MACROD2: variants seen among roughly 807,000 people sequenced by gnomAD.
The protein encoded by MACROD2 is mono-ADP ribosylhydrolase 2, also known as ADP-ribose glycohydrolase MACROD2.
A neutral mutation model predicts 70.4 loss-of-function variants in MACROD2; 36 were observed. The ratio of observed to expected loss-of-function variants is 0.51; its 90% CI spans 0.39 to 0.68. MACROD2 has a LOEUF of 0.68. Among genes scored for constraint, MACROD2 ranks in the 30% least tolerant of loss-of-function variants. The probability of loss-of-function intolerance (pLI) is 0.00; values close to 1 mark genes in which losing one functional copy is unlikely to be tolerated. For missense variants in MACROD2, 496 were observed against 538.4 expected (o/e 0.92, Z 0.78); for synonymous variants, 172 against 178.8 (o/e 0.96, Z 0.30).
chr20:14,553,142 C>T, intron 4 of MACROD2, among the ~76,000 whole-genome samples: 1 of 151,172 alleles, frequency 6.6e-6, no homozygotes. Context: ...TTCTTTATAT[C>T]CTTATTTTAT....
chr20:15,376,032 T>C (rs1349019017), intron 6 of MACROD2, among the ~76,000 whole-genome samples: 1 of 152,194 alleles, frequency 6.6e-6, no homozygotes, highest in Non-Finnish European at 1.5e-5. Context: ...GGGAACTTTT[T>C]TGAGGCCATG....
chr20:14,317,016 A>G (rs2082617066), intron 3 of MACROD2, among the ~76,000 whole-genome samples: 1 of 152,130 alleles, frequency 6.6e-6, no homozygotes, highest in Non-Finnish European at 1.5e-5. Context: ...CAGACTCCTT[A>G]TTCAGGCCTA....
intron 5 of MACROD2, among the ~76,000 whole-genome samples, chr20:14,993,417 G>A (rs1213158427): frequency 6.6e-6 from 1 of 151,976 alleles, no homozygotes; most frequent in African/African-American, 2.4e-5. Context: ...CCAAATATGA[G>A]AATATACATT....
intron 3 of MACROD2, among the ~76,000 whole-genome samples, chr20:14,315,574 A>G (rs1165993047): frequency 6.6e-6 from 1 of 152,212 alleles, no homozygotes; most frequent in Non-Finnish European, 1.5e-5. Context: ...TAAGCAAAAT[A>G]TTAAATATAT....
Position 15,429,165 on chromosome 20 carries a change from G to A in MACROD2, c.541-2240G>A, listed in dbSNP as rs538676582. Among the ~76,000 whole-genome samples the A allele has an allele frequency of 5.0e-4, 76 of 152,064 alleles. 1 individual carries two copies. The highest frequency in any genetic ancestry group is 1.6e-3 in the African/African-American group (68 of 41,398). ...AGTTGATTTTCATACGGAGAGTAAC[G>A]CCTATTGATAGTGTTGGTGAATGCC... is the stretch of plus-strand genomic sequence containing the variant. On this transcript the variant is annotated intron_variant, in intron 6 of 17. Coordinates refer to ENST00000684519, the MANE Select transcript of MACROD2 (RefSeq NM_001351661.2).
chr20:14,272,035 G>T (rs183283123), intron 3 of MACROD2, among the ~76,000 whole-genome samples: 1,581 of 152,282 alleles, frequency 0.01, 24 homozygotes, highest in African/African-American at 0.036. Context: ...ACCTGAAAGT[G>T]ATGGGGAGAA....
chr20:14,533,406 AC>A (rs2085329015), intron 4 of MACROD2, among the ~76,000 whole-genome samples: 1 of 152,246 alleles, frequency 6.6e-6, no homozygotes, highest in South Asian at 2.1e-4. Context: ...TATAAGAAGC[AC>A]ATAGCCACAT....
At chr20:14,862,698 T>G (rs1162697374) in intron 5 of MACROD2, among the ~76,000 whole-genome samples, 2 of 77,504 alleles carry the variant, frequency 2.6e-5, no homozygotes, top group Non-Finnish European at 4.7e-5. Context: ...TAAATATATA[T>G]AAATATATAT....
At chr20:15,468,131 T>C (rs938628774) in intron 7 of MACROD2, among the ~76,000 whole-genome samples, 2 of 152,198 alleles carry the variant, frequency 1.3e-5, no homozygotes, top group Admixed American at 1.3e-4. Context: ...TGTCTGCCGC[T>C]GCATTGAATT....
At chr20:15,792,581 T>C (rs1448527772) in intron 8 of MACROD2, among the ~76,000 whole-genome samples, 3 of 152,102 alleles carry the variant, frequency 2.0e-5, no homozygotes, top group Non-Finnish European at 2.9e-5. Context: ...CCTTCCTAAT[T>C]AAAGAAAGGC....
At chr20:15,395,773 G>A (rs1210734308) in intron 6 of MACROD2, among the ~76,000 whole-genome samples, 12 of 152,296 alleles carry the variant, frequency 7.9e-5, no homozygotes, top group African/African-American at 2.9e-4. Context: ...ATAGGTTAAT[G>A]TTTCTGGAAA....
At position 14,789,464 on chromosome 20, in the gene MACROD2, T is replaced by C. The variant is rs1446798016; in HGVS notation, c.418+104505T>C. On this transcript the variant is annotated intron_variant, in intron 5 of 17. Transcript: ENST00000684519. ...TGGATTAATCAGGTAGTGCAAATTT[T>C]TTTTTTTTTTTTTTTTTTTTTTTTT... Among the ~76,000 whole-genome samples, 56 of 104,678 alleles carry C rather than the reference T, an allele frequency of 5.3e-4. 1 individual carries two copies. Among genetic ancestry groups the C allele is most frequent in the Non-Finnish European group, 7.8e-4 (40 of 51,294 alleles). 68.7% of individuals were successfully genotyped at this position (104,678 alleles called of 152,430 possible). A position where few individuals can be genotyped will look rare whatever the true frequency, so the allele number is the denominator to read the frequency against.
chr20:14,698,537 T>C (rs1292430030), intron 5 of MACROD2, among the ~76,000 whole-genome samples: 1 of 152,054 alleles, frequency 6.6e-6, no homozygotes, highest in Non-Finnish European at 1.5e-5. Flanking sequence ...TCTATCTTCT[T>C]GCCCTGCTTT....
At chr20:15,230,254 G>A (rs1438656040) in intron 6 of MACROD2, among the ~76,000 whole-genome samples, 193 bp downstream of exon 6, 2 of 152,064 alleles carry the variant, frequency 1.3e-5, no homozygotes, top group Non-Finnish European at 2.9e-5. Flanking sequence ...TTTTCATGAT[G>A]TTTCAGAATT....
intron 8 of MACROD2, among the ~76,000 whole-genome samples, chr20:15,714,257 CCT>C: frequency 6.6e-6 from 1 of 152,280 alleles, no homozygotes; most frequent in East Asian, 1.9e-4. Context: ...TTTCTCTTCC[CCT>C]GTTTTCTGAG....
chr20:15,882,876 TATCA>T (rs1433590364), intron 9 of MACROD2, among the ~76,000 whole-genome samples: 3 of 152,144 alleles, frequency 2.0e-5, no homozygotes, highest in East Asian at 3.9e-4. Context: ...GTAGTTCAAA[TATCA>T]GCTTCAGTGT....
chr20:15,228,370 A>C (rs183735084), intron 5 of MACROD2, among the ~76,000 whole-genome samples: 1 of 152,276 alleles, frequency 6.6e-6, no homozygotes, highest in East Asian at 1.9e-4. Context: ...AAGGGTTTAA[A>C]TACTGTTTCA....
Position 13,995,844 on chromosome 20 carries a change from GT to G in MACROD2, c.46+36del. ...CCGTCGAGTCCTGGGGGTGCGGGCG[GT>G]GGGGGTTAGGGTGGGGGCGGGGGTC... On this transcript the variant is annotated intron_variant, in intron 1 of 17. Transcript: ENST00000684519. The surrounding 1 kb of genome is among the most constrained non-coding windows in gnomAD (Gnocchi z 4.3). The G allele has an allele frequency of 6.5e-7, 1 of 1,536,196 alleles. No homozygotes were observed.
chr20:15,255,686 C>T (rs190879142), intron 6 of MACROD2, among the ~76,000 whole-genome samples: 160 of 152,234 alleles, frequency 1.1e-3, no homozygotes, highest in Admixed American at 1.8e-3. Flanking sequence ...AGTTGGGTCA[C>T]AGTTATATTT....
Sources: allele counts gnomAD v4.1 joint callset (sites outside exome capture counted in the v4.1 genomes callset), GRCh38; gene constraint gnomAD v4.1.1; non-coding constraint Gnocchi (gnomAD v3.1); transcripts MANE v1.5; gene names NCBI Gene and HGNC (gene_info 2026-07-23, HGNC 2026-07-21).